PLEKHM3: variants seen among roughly 807,000 people sequenced by gnomAD.
PLEKHM3 encodes the protein pleckstrin homology domain containing M3.
A neutral mutation model predicts 81.8 loss-of-function variants in PLEKHM3; 45 were observed. The ratio of observed to expected loss-of-function variants is 0.55; its 90% confidence interval spans 0.43 to 0.71. The LOEUF is 0.71. Ranked by LOEUF, PLEKHM3 falls within the 30% of genes least tolerant of loss-of-function variation. The pLI, the probability that PLEKHM3 is intolerant of heterozygous loss-of-function variation, is 0.00. For missense variants in PLEKHM3, 788 were observed against 924.3 expected (o/e 0.85, Z 1.91); for synonymous variants, 352 against 356.4 (o/e 0.99, Z 0.14).
intron 7 of PLEKHM3, among the ~76,000 whole-genome samples, chr2:207,829,048 G>GT (rs2092269811): frequency 6.6e-6 from 1 of 152,132 alleles, no homozygotes; most frequent in African/African-American, 2.4e-5. Flanking sequence ...AATCTTGTGA[G>GT]TTTTTTAAAA....
At chr2:207,852,612 G>A (rs1457847742) in intron 7 of PLEKHM3, among the ~76,000 whole-genome samples, 1 of 152,058 alleles carries the variant, frequency 6.6e-6, no homozygotes. Context: ...GTATATTCTA[G>A]TACTGAAGAA....
At chr2:207,895,162 C>T (rs1055072726) in intron 6 of PLEKHM3, among the ~76,000 whole-genome samples, 6 of 152,204 alleles carry the variant, frequency 3.9e-5, no homozygotes, top group African/African-American at 1.4e-4. Flanking sequence ...CTGTTGCTGT[C>T]ATCCTGGGTC....
chr2:207,899,679 C>T (rs1218170406), intron 6 of PLEKHM3, among the ~76,000 whole-genome samples: 2 of 152,082 alleles, frequency 1.3e-5, no homozygotes, highest in Non-Finnish European at 2.9e-5. Context: ...GGAAGTGAAG[C>T]GATACCGTTT....
intron 3 of PLEKHM3, among the ~76,000 whole-genome samples, chr2:207,975,685 C>T (rs1475134734): frequency 6.9e-6 from 1 of 144,782 alleles, no homozygotes; most frequent in African/African-American, 2.6e-5. Context: ...CAACCTCTGC[C>T]TCCTGGGTTC....
chr2:207,841,469 AAAAAAAAAAAAATATATATATAT>A (rs1367026569), intron 7 of PLEKHM3, among the ~76,000 whole-genome samples: 795 of 55,938 alleles, frequency 0.014, 68 homozygotes, highest in African/African-American at 0.047. Context: ...AAAAAAAAAA[AAAAAAAAAAAAATATATATATAT>A]ATATATATAT....
chr2:207,963,893 C>T (rs1281036192), intron 3 of PLEKHM3, among the ~76,000 whole-genome samples: 1 of 152,162 alleles, frequency 6.6e-6, no homozygotes, highest in East Asian at 1.9e-4. Context: ...CTAGAGAAAA[C>T]TCAAGTATGG....
At chr2:207,997,478 G>A (rs1052844081) in intron 2 of PLEKHM3, among the ~76,000 whole-genome samples, 2 of 152,140 alleles carry the variant, frequency 1.3e-5, no homozygotes, top group African/African-American at 2.4e-5. Flanking sequence ...AAAGAGCCAG[G>A]TAAAAAAATG....
intron 6 of PLEKHM3, among the ~76,000 whole-genome samples, chr2:207,865,801 A>AAAAAAATATATATATAT: frequency 4.0e-5 from 1 of 25,288 alleles, no homozygotes; most frequent in Non-Finnish European, 7.6e-5. Flanking sequence ...AAAAAAAAAA[A>AAAAAAATATATATATAT]AGATATATAT....
intron 7 of PLEKHM3, among the ~76,000 whole-genome samples, chr2:207,847,773 C>T (rs1236013622): frequency 6.6e-6 from 1 of 152,178 alleles, no homozygotes; most frequent in Non-Finnish European, 1.5e-5. Context: ...TTAGCTGCTT[C>T]TAGGATCCCA....
intron 6 of PLEKHM3, among the ~76,000 whole-genome samples, chr2:207,877,179 C>T (rs753420608): frequency 2.6e-5 from 4 of 151,994 alleles, no homozygotes; most frequent in Admixed American, 6.6e-5. Context: ...AATAGCATGC[C>T]CACCTGAGAC....
intron 6 of PLEKHM3, among the ~76,000 whole-genome samples, chr2:207,880,275 C>CAT (rs1197481856): frequency 6.6e-6 from 1 of 152,030 alleles, no homozygotes; most frequent in Non-Finnish European, 1.5e-5. Flanking sequence ...GGCGTGGTGG[C>CAT]ATGTGCCTAT....
At position 207,865,801 on chromosome 2, in the gene PLEKHM3, AAGATAT is replaced by A. The variant is rs1410736409; in HGVS notation, c.1951-4545_1951-4540del. Among the ~76,000 whole-genome samples the A allele has an allele frequency of 2.4e-3, 60 of 25,278 alleles. 2 individuals are homozygous for A. Among genetic ancestry groups the A allele is most frequent in the African/African-American group, 0.012 (59 of 4,782 alleles). The allele number at this position is 25,278 out of a possible 152,430, so 16.6% of individuals were successfully genotyped here. The stretch of plus-strand genomic sequence containing the variant: ...CGACTCAAAAAAAAAAAAAAAAAAA[AAGATAT>A]ATATATATATATATATATATATATA... On this transcript the variant is annotated intron_variant, in intron 6 of 7. Transcript: ENST00000427836.
At chr2:208,016,694 C>CACACACACACACACAA (rs1322014249) in intron 1 of PLEKHM3, among the ~76,000 whole-genome samples, 2 of 149,730 alleles carry the variant, frequency 1.3e-5, no homozygotes, top group Non-Finnish European at 3.0e-5. Flanking sequence ...CACACACACA[C>CACACACACACACACAA]ACCCTGGTTT....
chr2:207,964,211 CA>C (rs900466467), intron 3 of PLEKHM3, among the ~76,000 whole-genome samples: 232 of 134,922 alleles, frequency 1.7e-3, no homozygotes, highest in Middle Eastern at 3.8e-3. Flanking sequence ...GACTCCGTCT[CA>C]AAAAAAAAAA....
chr2:207,990,892 T>C (rs1691879118), intron 2 of PLEKHM3, among the ~76,000 whole-genome samples: 1 of 152,228 alleles, frequency 6.6e-6, no homozygotes, highest in Non-Finnish European at 1.5e-5. Flanking sequence ...AGATTACCTA[T>C]GTCAGCTCTA....
At chr2:207,855,926 GGACTTTA>G (rs569493683) in intron 7 of PLEKHM3, among the ~76,000 whole-genome samples, 79 of 152,122 alleles carry the variant, frequency 5.2e-4, no homozygotes, top group African/African-American at 1.8e-3. Context: ...AAAAAACTGT[GGACTTTA>G]GTTACTAATA....
chr2:207,858,216 C>T (rs2092447696), intron 7 of PLEKHM3, among the ~76,000 whole-genome samples: 1 of 147,606 alleles, frequency 6.8e-6, no homozygotes, highest in South Asian at 2.1e-4. Context: ...CTCTGTTGCC[C>T]AGGCTGGAGT....
Position 207,843,915 on chromosome 2 carries a change from T to A in PLEKHM3, c.2109-15419A>T, listed in dbSNP as rs186946406. ...GACCAGTCTGAGCAACATATTGAGA[T>A]CTTGTCTCCACAGATAAATTAACCA... is the stretch of plus-strand genomic sequence containing the variant. On this transcript the variant is annotated intron_variant, in intron 7 of 7. Transcript: ENST00000427836. The surrounding 1 kb of genome is among the most constrained non-coding windows in gnomAD (Gnocchi z 4.4). 2.0e-5 allele frequency among the ~76,000 whole-genome samples: 3 copies of A among 152,050 alleles called. No homozygotes were observed. The highest frequency in any genetic ancestry group is 4.4e-5 in the Non-Finnish European group (3 of 67,984).
At chr2:207,880,809 A>C (rs2092587282) in intron 6 of PLEKHM3, among the ~76,000 whole-genome samples, 1 of 144,688 alleles carries the variant, frequency 6.9e-6, no homozygotes, top group Non-Finnish European at 1.5e-5. Flanking sequence ...AAACAAACAA[A>C]AAAAAACAAA....
Sources: allele counts gnomAD v4.1 joint callset (sites outside exome capture counted in the v4.1 genomes callset), GRCh38; gene constraint gnomAD v4.1.1; non-coding constraint Gnocchi (gnomAD v3.1); transcripts MANE v1.5; gene names NCBI Gene and HGNC (gene_info 2026-07-23, HGNC 2026-07-21).